PPFIA2: variants seen among roughly 807,000 people sequenced by gnomAD.
PPFIA2 encodes PPFI scaffold protein A2.
A neutral mutation model predicts 175.5 loss-of-function variants in PPFIA2; 46 were observed. That is an observed-to-expected ratio of 0.26 (90% CI 0.21 to 0.34). PPFIA2 has a LOEUF of 0.34. PPFIA2 is among the 10% of genes least tolerant of loss of function. The pLI, the probability that PPFIA2 is intolerant of heterozygous loss-of-function variation, is 1.00. For missense variants in PPFIA2, 1,179 were observed against 1,506.1 expected (o/e 0.78, Z 3.60); for synonymous variants, 568 against 511.4 (o/e 1.11, Z -1.49).
chr12:81,601,370 A>G (rs2059771703), intron 4 of PPFIA2, among the ~76,000 whole-genome samples: 1 of 151,882 alleles, frequency 6.6e-6, no homozygotes, highest in African/African-American at 2.4e-5. Context: ...GGTGTTGTCC[A>G]GGTCTAAAAA....
chr12:81,519,236 A>T (rs11114905), intron 4 of PPFIA2, among the ~76,000 whole-genome samples: 44,499 of 151,998 alleles, frequency 0.29, 6,957 homozygotes, highest in African/African-American at 0.4. Context: ...AAATAACTAT[A>T]GGTTATATTA....
intron 24 of PPFIA2, among the ~76,000 whole-genome samples, chr12:81,285,150 G>C (rs909186308): frequency 1.3e-5 from 2 of 151,986 alleles, no homozygotes; most frequent in Non-Finnish European, 2.9e-5. Flanking sequence ...GTACAGTTTC[G>C]AAACCAAAGT....
chr12:81,365,501 G>A (rs750232378), intron 14 of PPFIA2, among the ~76,000 whole-genome samples: 1 of 151,806 alleles, frequency 6.6e-6, no homozygotes, highest in Non-Finnish European at 1.5e-5. Context: ...ATATTGCCAG[G>A]AGCACACAGA....
chr12:81,299,335 T>C lies in PPFIA2; in HGVS notation c.2690A>G (p.Gln897Arg). 1 of 1,597,378 alleles carries C rather than the reference T, an allele frequency of 6.3e-7. No individual in the cohort carries two copies. The highest frequency in any genetic ancestry group is 8.5e-7 in the Non-Finnish European group (1 of 1,171,206). The change falls in exon 23 of 33, where the codon CAG becomes CGG. Residue 897 changes from glutamine to arginine, a missense_variant. By Grantham distance (43) the Gln-to-Arg change is conservative (BLOSUM62 1). Transcript: ENST00000549396. ...EARRKGLPFA[Q>R]WDGPTVVAWL... ...TGCGACCACAGTTGGCCCATCCCAC[T>C]GGGCAAAAGGTAATCCCTTTCTCCG...
At chr12:81,449,471 T>C (rs1358901243) in intron 5 of PPFIA2, among the ~76,000 whole-genome samples, 1 of 145,784 alleles carries the variant, frequency 6.9e-6, no homozygotes, top group Non-Finnish European at 1.5e-5. Flanking sequence ...TGTTATGATA[T>C]ACAACATTAC....
intron 4 of PPFIA2, among the ~76,000 whole-genome samples, chr12:81,493,943 G>A (rs2059724755): frequency 6.6e-6 from 1 of 151,406 alleles, no homozygotes; most frequent in African/African-American, 2.4e-5. Context: ...TTCAGAAAAA[G>A]CAAAGTTGAA....
rs1724553331 is a variant in PPFIA2, at chr12:81,416,764, A to C, written c.646-10861T>G. On this transcript the variant is annotated intron_variant, in intron 7 of 32. Coordinates refer to ENST00000549396, the MANE Select transcript of PPFIA2 (RefSeq NM_003625.5). The stretch of plus-strand genomic sequence containing the variant: ...TTGGTTTAGTTTCAGCTAAGGGCAT[A>C]AATGACAACTGACTGCAGTAATTAA... 4.0e-5 allele frequency among the ~76,000 whole-genome samples: 6 copies of C among 151,724 alleles called. No individual in the cohort carries two copies. In the South Asian group the frequency reaches 1.2e-3, roughly 31 times the overall value.
At chr12:81,349,819 T>C (rs996426941) in intron 17 of PPFIA2, among the ~76,000 whole-genome samples, 9 of 152,272 alleles carry the variant, frequency 5.9e-5, no homozygotes, top group African/African-American at 1.9e-4. Flanking sequence ...TGAATGAACA[T>C]TGCTGTGGCA....
chr12:81,268,064 G>C lies in PPFIA2; in HGVS notation c.3334C>G (p.Arg1112Gly), dbSNP rs1452915781. ...ATTGCTTGTATCCAGCGAATAACTC[G>C]GTCATTGCTCCACACCAACACGTCT... The part of the protein sequence containing the change: ...IKDVLVWSND[R>G]VIRWIQAIGL... Residue 1112 changes from arginine to glycine, a missense_variant, in exon 29 of 33, where the codon CGA becomes GGA. Arg to Gly is a moderately radical substitution (Grantham distance 125). This residue lies in a region of PPFIA2 where 245 missense variants were observed against 375.1 expected (regional missense o/e 0.65). Coordinates refer to ENST00000549396, the MANE Select transcript of PPFIA2 (RefSeq NM_003625.5). 1.9e-6 allele frequency: 3 copies of C among 1,597,152 alleles called. No individual in the cohort carries two copies. Among genetic ancestry groups the C allele is most frequent in the Non-Finnish European group, 2.6e-6 (3 of 1,171,124 alleles).
At chr12:81,366,966 A>T in intron 14 of PPFIA2, 142 bp downstream of exon 14, 1 of 987,638 alleles carries the variant, frequency 1.0e-6, no homozygotes, top group Non-Finnish European at 1.4e-6. Context: ...GCTTTTCTGC[A>T]CATATTCTAA....
rs1208609568 is a variant in PPFIA2, at chr12:81,317,692, A to T, written c.2642+8085T>A. ...TCTCAGGTTTTCTTCTTTATCCTAG[A>T]GTTCTTTCCTTATCCAGCTTCTGTT... On this transcript the variant is annotated intron_variant, in intron 22 of 32. Coordinates refer to ENST00000549396, the MANE Select transcript of PPFIA2 (RefSeq NM_003625.5). 4.0e-5 allele frequency among the ~76,000 whole-genome samples: 6 copies of T among 151,594 alleles called. No homozygotes were observed. In the East Asian group the frequency reaches 1.2e-3, roughly 29 times the overall value.
rs1184951137 is a variant in PPFIA2, at chr12:81,312,168, G to A, written c.2643-12786C>T. On this transcript the variant is annotated intron_variant, in intron 22 of 32. Coordinates refer to ENST00000549396, the MANE Select transcript of PPFIA2 (RefSeq NM_003625.5). ...ATTGTGATTCAACTTACCCAGATGT[G>A]CTTTTCATGAGATGGAGAAGGACGG... 3 of 1,534,752 alleles carry A rather than the reference G, an allele frequency of 2.0e-6. No individual in the cohort carries two copies. The East Asian group carries it at 7.3e-5, about 38-fold the overall frequency.
At chr12:81,720,848 G>A (rs912414768) in intron 3 of PPFIA2, among the ~76,000 whole-genome samples, 3 of 150,988 alleles carry the variant, frequency 2.0e-5, no homozygotes, top group African/African-American at 7.3e-5. Flanking sequence ...GCTTTAGTTA[G>A]CCAGAATCAA....
rs1366132306 is a variant in PPFIA2, at chr12:81,748,185, T to G, written c.249+5788A>C. ...TCTTCAATAGTCTTTATATTTCAAT[T>G]ATCTTTTCTAGTTTTCTGGTCACAT... On this transcript the variant is annotated intron_variant, in intron 3 of 32. Transcript: ENST00000549396. 1.4e-5 allele frequency among the ~76,000 whole-genome samples: 2 copies of G among 144,268 alleles called. 1 individual carries two copies. The highest frequency in any genetic ancestry group is 4.2e-4 in the East Asian group (2 of 4,716). 94.6% of individuals were successfully genotyped at this position (144,268 alleles called of 152,430 possible). A position where few individuals can be genotyped will look rare whatever the true frequency, so the allele number is the denominator to read the frequency against.
At chr12:81,547,139 C>G (rs187529850) in intron 4 of PPFIA2, among the ~76,000 whole-genome samples, 18 of 152,272 alleles carry the variant, frequency 1.2e-4, no homozygotes, top group East Asian at 9.7e-4. Flanking sequence ...GGAAACTGTG[C>G]TCAATTTATG....
chr12:81,548,600 T>A (rs907343521), intron 4 of PPFIA2, among the ~76,000 whole-genome samples: 12 of 152,086 alleles, frequency 7.9e-5, no homozygotes, highest in Non-Finnish European at 2.9e-5. Flanking sequence ...CTCAAGTAGG[T>A]GGAACTATAG....
At chr12:81,334,633 T>A (rs2056790465) in intron 21 of PPFIA2, among the ~76,000 whole-genome samples, 1 of 152,202 alleles carries the variant, frequency 6.6e-6, no homozygotes, top group Non-Finnish European at 1.5e-5. Context: ...ATTTGCATAT[T>A]CTATTCACAT....
intron 22 of PPFIA2, among the ~76,000 whole-genome samples, chr12:81,323,844 CTGAT>C (rs1258871255): frequency 1.3e-5 from 2 of 152,026 alleles, no homozygotes; most frequent in Non-Finnish European, 2.9e-5. Context: ...CCTTTGAACA[CTGAT>C]TGCATGTTTA....
chr12:81,494,914 A>T lies in PPFIA2; in HGVS notation c.304-37048T>A, dbSNP rs183820060. 7.6e-3 allele frequency among the ~76,000 whole-genome samples: 987 copies of T among 129,254 alleles called. 12 individuals are homozygous for T. The highest frequency in any genetic ancestry group is 0.027 in the African/African-American group (908 of 33,874). 84.8% of individuals were successfully genotyped at this position (129,254 alleles called of 152,430 possible). A position where few individuals can be genotyped will look rare whatever the true frequency, so the allele number is the denominator to read the frequency against. On this transcript the variant is annotated intron_variant, in intron 4 of 32. Transcript: ENST00000549396. ...AACAATGAGAACACATAGACACAGG[A>T]AGGGGAACATCACACCCTGGGGACT... is the stretch of plus-strand genomic sequence containing the variant.
Sources: allele counts gnomAD v4.1 joint callset (sites outside exome capture counted in the v4.1 genomes callset), GRCh38; gene constraint gnomAD v4.1.1; regional missense constraint gnomAD v4.1.1; transcripts MANE v1.5; gene names NCBI Gene and HGNC (gene_info 2026-07-23, HGNC 2026-07-21).